Variants in SPC25 observed in about 807,000 individuals in gnomAD.
SPC25 encodes kinetochore protein Spc25.
Under a neutral mutation model 29.6 loss-of-function variants are expected in SPC25, and 22 were observed. The ratio of observed to expected loss-of-function variants is 0.74; its 90% confidence interval spans 0.53 to 1.06. The LOEUF is 1.06. Ranked by LOEUF, SPC25 falls within the 50% of genes least tolerant of loss-of-function variation. SPC25 has a pLI of 0.00. For missense variants in SPC25, 230 were observed against 255.8 expected (o/e 0.90, Z 0.69); for synonymous variants, 91 against 90.4 (o/e 1.01, Z -0.04).
chr2:168,866,854 CA>C (rs1359480151), downstream of SPC25, among the ~76,000 whole-genome samples: 7 of 151,804 alleles, frequency 4.6e-5, no homozygotes, highest in African/African-American at 1.7e-4. Context: ...TTTATGCAGC[CA>C]AAAAACACAT....
chr2:168,862,543 TGTAA>T (rs67216045), intron 4 of SPC25, among the ~76,000 whole-genome samples: 56,505 of 151,912 alleles, frequency 0.37, 11,147 homozygotes, highest in Non-Finnish European at 0.45. Context: ...CTCAACTTAG[TGTAA>T]GTAAGTGCAA....
chr2:168,863,460 C>G (rs978896520), intron 4 of SPC25: 8 of 985,124 alleles, frequency 8.1e-6, no homozygotes, highest in Non-Finnish European at 9.6e-6. Flanking sequence ...GCTCTTGGAT[C>G]CTGACGGGGG....
downstream of SPC25, among the ~76,000 whole-genome samples, chr2:168,867,228 A>T (rs1432204269): frequency 6.6e-6 from 1 of 152,180 alleles, no homozygotes; most frequent in Admixed American, 6.5e-5. Context: ...ACCAACCCAA[A>T]TGTCCAACAA....
chr2:168,863,520 T>C (rs1689616319), intron 4 of SPC25: 2 of 985,254 alleles, frequency 2.0e-6, no homozygotes, highest in African/African-American at 3.5e-5. Context: ...ACAAGAGCCA[T>C]GTTTCTTGTC....
chr2:168,867,318 C>T (rs966338928), downstream of SPC25, among the ~76,000 whole-genome samples: 22 of 152,118 alleles, frequency 1.4e-4, no homozygotes, highest in Admixed American at 1.4e-3. Context: ...TAGGAAGAAA[C>T]TGCATCAACT....
At chr2:168,883,766 A>T (rs58651249) in intron 3 of SPC25, among the ~76,000 whole-genome samples, 2,529 of 144,826 alleles carry the variant, frequency 0.017, 66 homozygotes, top group African/African-American at 0.06. Context: ...CTGTATGACC[A>T]TTTTTTTTTC....
At chr2:168,865,773 C>T (rs1434979140) in intron 4 of SPC25, among the ~76,000 whole-genome samples, 1 of 126,056 alleles carries the variant, frequency 7.9e-6, no homozygotes, top group Non-Finnish European at 1.9e-5. Flanking sequence ...TCAGCAAAGT[C>T]TCAAGATACA....
chr2:168,871,664 T>G (rs1689992875), intron 6 of SPC25, 109 bp from the exon 7 acceptor site: 1 of 1,044,836 alleles, frequency 9.6e-7, no homozygotes, highest in Non-Finnish European at 1.3e-6. Flanking sequence ...CAATTCCATC[T>G]TAATGAAATT....
intron 4 of SPC25, among the ~76,000 whole-genome samples, chr2:168,864,358 C>T (rs917321227): frequency 2.0e-5 from 3 of 151,312 alleles, no homozygotes; most frequent in Non-Finnish European, 4.4e-5. Flanking sequence ...ATGATCTCAG[C>T]TCACTGCAAC....
At chr2:168,874,133 T>C (rs498041) in intron 5 of SPC25, among the ~76,000 whole-genome samples, 124,904 of 152,136 alleles carry the variant, frequency 0.82, 51,311 homozygotes, top group East Asian at 0.91. Context: ...AAAAAGATGC[T>C]CAACATCATT....
At position 168,864,836 on chromosome 2, in the gene SPC25, G is replaced by A. The variant is rs189095191; in HGVS notation, n.419+8749C>T. On this transcript the variant is annotated intron_variant and non_coding_transcript_variant, in intron 4 of 4. Transcript: ENST00000479309. ...TTTGTCTAACTGTATTTTCACAGGT[G>A]ACATTGTGATTATACACGAGAAAAA... The A allele has an allele frequency of 2.3e-4, 371 of 1,613,812 alleles. 2 individuals carry two copies. Among genetic ancestry groups the A allele is most frequent in the South Asian group, 1.4e-3 (132 of 91,064 alleles).
At chr2:168,869,253 T>C (rs1011968921), downstream of SPC25, among the ~76,000 whole-genome samples, 138 of 152,224 alleles carry the variant, frequency 9.1e-4, no homozygotes, top group Non-Finnish European at 1.6e-3. Context: ...CAATATCATA[T>C]GGAATGGACA....
At chr2:168,885,797 T>G (rs1056475596) in intron 3 of SPC25, among the ~76,000 whole-genome samples, 1 of 152,234 alleles carries the variant, frequency 6.6e-6, no homozygotes. Flanking sequence ...CATTATCAGC[T>G]ATCTGACCTT....
chr2:168,864,826 T>A, intron 4 of SPC25: 1 of 1,613,684 alleles, frequency 6.2e-7, no homozygotes, highest in Non-Finnish European at 8.5e-7. Context: ...CTAACTGTAT[T>A]TTCACAGGTG....
chr2:168,887,989 A>G (rs1474507876), intron 3 of SPC25, among the ~76,000 whole-genome samples: 1 of 152,240 alleles, frequency 6.6e-6, no homozygotes, highest in Non-Finnish European at 1.5e-5. Context: ...CAAAAACACA[A>G]TACTAGAGGC....
At chr2:168,861,951 C>CTAT in intron 4 of SPC25, 1 of 1,613,704 alleles carries the variant, frequency 6.2e-7, no homozygotes, top group Non-Finnish European at 8.5e-7. Flanking sequence ...ACAGCTTTAT[C>CTAT]TATTTCAGCC....
rs1449587356 is a variant in SPC25 at position 168,877,319 on chromosome 2, C to G, written c.265G>C (p.Val89Leu). The change falls in exon 4 of 7, where the codon GTA (valine) becomes CTA (leucine). Residue 89 changes from valine to leucine, a missense_variant. Coordinates refer to ENST00000282074, the MANE Select transcript of SPC25 (RefSeq NM_020675.4). ...KDNLLKLIAE[V>L]KGKKQELEVL... ...TCCAATTCCTGCTTTTTGCCTTTTA[C>G]TTCAGCAATCAATTTTAACAAGTTA... 1.9e-6 allele frequency: 3 copies of G among 1,613,652 alleles called. No individual in the cohort carries two copies. The highest frequency in any genetic ancestry group is 1.3e-5 in the African/African-American group (1 of 74,896).
At chr2:168,883,615 C>T (rs968793472) in intron 3 of SPC25, among the ~76,000 whole-genome samples, 13 of 152,084 alleles carry the variant, frequency 8.5e-5, no homozygotes. Context: ...ACCTCATTCA[C>T]TGGGGTTAGA....
chr2:168,885,157 A>C (rs1023349313), intron 3 of SPC25, among the ~76,000 whole-genome samples: 3 of 152,158 alleles, frequency 2.0e-5, no homozygotes, highest in African/African-American at 4.8e-5. Flanking sequence ...TTGAACCCAC[A>C]TATGTTTCCT....
Sources: gnomAD v4.1 joint callset for allele counts (sites outside exome capture counted in the v4.1 genomes callset) on GRCh38, gnomAD v4.1.1 for gene constraint, MANE v1.5 for transcripts, NCBI Gene and HGNC (gene_info 2026-07-23, HGNC 2026-07-21) for gene names.